The following ACOX2 variants were observed in gnomAD, a reference collection of about 807,000 sequenced individuals.
The protein encoded by ACOX2 is peroxisomal acyl-coenzyme A oxidase 2.
In ACOX2, 59 loss-of-function variants were observed where a neutral mutation model predicts 77.5. The observed-to-expected ratio is 0.76, with a 90% confidence interval of 0.62 to 0.95. The LOEUF (loss-of-function observed/expected upper bound fraction) is 0.95, where lower values mean the gene tolerates loss of function less well. Among genes scored for constraint, ACOX2 ranks in the 40% least tolerant of loss-of-function variants. The pLI is 0.00. For synonymous variants in ACOX2, 317 were observed against 340.1 expected (o/e 0.93, Z 0.75); for missense variants, 837 against 880.4 (o/e 0.95, Z 0.62).
Position 58,531,532 on chromosome 3 carries a change from G to T in ACOX2, c.703+161C>A. ...CAGAAAGATGCTAAATCTTGCTCAA[G>T]TTCACCTAGCCAGTTAGCACCAAGT... On this transcript the variant is annotated intron_variant, in intron 6 of 14. Transcript: ENST00000302819. This position sits in a 1 kb window ranked among gnomAD's most constrained non-coding sequence, Gnocchi z 5.8. 1 of 1,294,252 alleles carries T rather than the reference G, an allele frequency of 7.7e-7. No homozygotes were observed. The highest frequency in any genetic ancestry group is 1.1e-6 in the Non-Finnish European group (1 of 937,382). 80.2% of individuals were successfully genotyped at this position (1,294,252 alleles called of 1,614,324 possible). A position where few individuals can be genotyped will look rare whatever the true frequency, so the allele number is the denominator to read the frequency against.
Position 58,534,995 on chromosome 3 carries a change from T to C in ACOX2, c.112A>G (p.Asn38Asp). 1.9e-6 allele frequency: 3 copies of C among 1,614,190 alleles called. No homozygotes were observed. The highest frequency in any genetic ancestry group is 2.5e-6 in the Non-Finnish European group (3 of 1,180,022). Residue 38 changes from asparagine (N) to aspartate (D), a missense_variant, in exon 2 of 15, where the codon AAC becomes GAC. Asn to Asp is a conservative substitution (Grantham distance 23). Transcript: ENST00000302819. The surrounding 1 kb of genome is among the most constrained non-coding windows in gnomAD (Gnocchi z 4.8). Reference protein sequence around the residue: ...MQSFDVERLTNILDGGAQNTA... With the variant: ...MQSFDVERLTDILDGGAQNTA... ...TTCTGGGCACCTCCATCAAGGATGT[T>C]GGTGAGCCGTTCCACGTCAAAGGAC...
At chr3:58,510,806 TC>T (rs2063281509) in intron 13 of ACOX2, among the ~76,000 whole-genome samples, 1 of 149,526 alleles carries the variant, frequency 6.7e-6, no homozygotes, top group Non-Finnish European at 1.5e-5. Flanking sequence ...TCTTTAGTTT[TC>T]CACCCACTTT....
intron 9 of ACOX2, among the ~76,000 whole-genome samples, chr3:58,527,216 C>T (rs2063401827): frequency 1.3e-5 from 2 of 152,014 alleles, no homozygotes; most frequent in African/African-American, 4.8e-5. Context: ...GTGGAGGCCT[C>T]ATGAATGGGA....
At position 58,534,049 on chromosome 3, in the gene ACOX2, T is replaced by G. The variant is rs144244871; in HGVS notation, c.420A>C (p.Pro140=). Residue 140 remains proline, a synonymous_variant, in exon 4 of 15, where the codon CCA becomes CCC. Transcript: ENST00000302819. This position sits in a 1 kb window ranked among gnomAD's most constrained non-coding sequence, Gnocchi z 4.8. Reference sequence around the variant, plus strand: ...CGATGATCTGGATGTTTTTGCAGAGTGGGTCCCATTTGGCAATCTGCTCCT... The same window carrying G: ...CGATGATCTGGATGTTTTTGCAGAGGGGGTCCCATTTGGCAATCTGCTCCT... ...GSEEQIAKWD[P]LCKNIQIIAT... The G allele has an allele frequency of 9.9e-6, 16 of 1,613,982 alleles. No individual in the cohort carries two copies. The African/African-American group carries it at 2.1e-4, about 22-fold the overall frequency.
chr3:58,509,186 T>C (rs887621378), intron 13 of ACOX2, among the ~76,000 whole-genome samples, 161 bp from the exon 14 acceptor site: 5 of 152,142 alleles, frequency 3.3e-5, no homozygotes, highest in African/African-American at 9.7e-5. Flanking sequence ...ATCAGTTATA[T>C]GTGCATAGTA....
At chr3:58,518,042 TC>T (rs1412335573) in intron 12 of ACOX2, among the ~76,000 whole-genome samples, 4 of 116,454 alleles carry the variant, frequency 3.4e-5, no homozygotes, top group African/African-American at 1.0e-4. Context: ...GCCATTGCAC[TC>T]CAGCCTGGGC....
rs2063456891 is a variant in ACOX2 at position 58,533,636 on chromosome 3, T to C, written c.476-84A>G. The C allele has an allele frequency of 7.8e-7, 1 of 1,287,754 alleles. No homozygotes were observed. The highest frequency in any genetic ancestry group is 1.1e-6 in the Non-Finnish European group (1 of 890,674). 79.8% of individuals were successfully genotyped at this position (1,287,754 alleles called of 1,614,324 possible). ...CTGCTTCTAGGTGGGTCTGAACTCT[T>C]AGGCATCAGCGCAGTATGGAGTGGG... is the stretch of plus-strand genomic sequence containing the variant. On this transcript the variant is annotated intron_variant, in intron 4 of 14. Transcript: ENST00000302819. This position sits in a 1 kb window ranked among gnomAD's most constrained non-coding sequence, Gnocchi z 5.6.
intron 14 of ACOX2, among the ~76,000 whole-genome samples, chr3:58,507,416 A>G (rs1487909109): frequency 6.6e-6 from 1 of 152,228 alleles, no homozygotes; most frequent in Non-Finnish European, 1.5e-5. Flanking sequence ...CTCATGTAGT[A>G]TCCAGATTAA....
Position 58,524,709 on chromosome 3 carries a change from T to TGGAA in ACOX2, c.1347-105_1347-104insTTCC, listed in dbSNP as rs1560216602. 3.8e-6 allele frequency: 5 copies of TGGAA among 1,299,930 alleles called. No individual in the cohort carries two copies. The highest frequency in any genetic ancestry group is 5.2e-6 in the Non-Finnish European group (5 of 952,762). 80.5% of individuals were successfully genotyped at this position (1,299,930 alleles called of 1,614,324 possible). ...GCAAGCTCATGCTAGGTTCCAGCCT[T>TGGAA]CCCGTGGGAGAGCCAGGTCACCAGG... On this transcript the variant is annotated intron_variant, in intron 10 of 14. Transcript: ENST00000302819. The surrounding 1 kb of genome is among the most constrained non-coding windows in gnomAD (Gnocchi z 5.5).
At position 58,535,271 on chromosome 3, in the gene ACOX2, A is replaced by C; in HGVS notation, c.-91-74T>G. The C allele has an allele frequency of 1.3e-6, 1 of 768,812 alleles. No homozygotes were observed. The highest frequency in any genetic ancestry group is 2.5e-5 in the East Asian group (1 of 39,278). 47.6% of individuals were successfully genotyped at this position (768,812 alleles called of 1,614,324 possible). On this transcript the variant is annotated intron_variant, in intron 1 of 14. Transcript: ENST00000302819. This position sits in a 1 kb window ranked among gnomAD's most constrained non-coding sequence, Gnocchi z 4.8. ...TGGTAGAAGAAAGACATCCCTAAGTACCTGAATGCCACTCCACCTCCCCAC... is the reference window on the plus strand; with the variant it reads ...TGGTAGAAGAAAGACATCCCTAAGTCCCTGAATGCCACTCCACCTCCCCAC...
In ACOX2 at chr3:58,533,421, G is replaced by A. The variant is rs775093315; in HGVS notation, c.583+24C>T. ...ATTCTTCTACTTGGGGAGAGTTAAG[G>A]AAGGGGGGTGGATGTATACTCACAG... is the stretch of plus-strand genomic sequence containing the variant. On this transcript the variant is annotated intron_variant, in intron 5 of 14. Coordinates refer to ENST00000302819, the MANE Select transcript of ACOX2 (RefSeq NM_003500.4). The surrounding 1 kb of genome is among the most constrained non-coding windows in gnomAD (Gnocchi z 5.6). 1.9e-6 allele frequency: 3 copies of A among 1,601,000 alleles called. No individual in the cohort carries two copies. The highest frequency in any genetic ancestry group is 2.6e-6 in the Non-Finnish European group (3 of 1,168,546).
chr3:58,527,333 C>T lies in ACOX2; in HGVS notation c.1156-677G>A, dbSNP rs532609956. Among the ~76,000 whole-genome samples, 256 of 151,998 alleles carry T rather than the reference C, an allele frequency of 1.7e-3. 3 individuals are homozygous for T. Among genetic ancestry groups the T allele is most frequent in the African/African-American group, 6.0e-3 (249 of 41,436 alleles). ...CAGGTGGATCACGAGGTCAGGAGAT[C>T]GAGGCCATCCTGGCCAACATAGTGA... On this transcript the variant is annotated intron_variant, in intron 9 of 14. Coordinates refer to ENST00000302819, the MANE Select transcript of ACOX2 (RefSeq NM_003500.4).
In ACOX2 at chr3:58,512,911, G is replaced by A. The variant is rs1430855487; in HGVS notation, c.1851-3886C>T. ...GGCTTGTGTAAGTACACTCTGTGAT[G>A]TTCACATGATGACAGACTCACCTGA... is the stretch of plus-strand genomic sequence containing the variant. On this transcript the variant is annotated intron_variant, in intron 13 of 14. Transcript: ENST00000302819. This position sits in a 1 kb window ranked among gnomAD's most constrained non-coding sequence, Gnocchi z 4.8. Among the ~76,000 whole-genome samples the A allele has an allele frequency of 6.6e-6, 1 of 152,216 alleles. No homozygotes were observed. Among genetic ancestry groups the A allele is most frequent in the East Asian group, 1.9e-4 (1 of 5,200 alleles).
chr3:58,526,371 T>A lies in ACOX2; in HGVS notation c.1346+95A>T. 1 of 1,392,786 alleles carries A rather than the reference T, an allele frequency of 7.2e-7. No homozygotes were observed. The highest frequency in any genetic ancestry group is 1.5e-5 in the South Asian group (1 of 67,628). The allele number at this position is 1,392,786 out of a possible 1,614,324, so 86.3% of individuals were successfully genotyped here. ...CCAAATAGCACTTCGCAAAGCCTGCTCTTTTTATGGGCCTCAGACGGAACC... is the reference window on the plus strand; with the variant it reads ...CCAAATAGCACTTCGCAAAGCCTGCACTTTTTATGGGCCTCAGACGGAACC... On this transcript the variant is annotated intron_variant, in intron 10 of 14. Transcript: ENST00000302819. This position sits in a 1 kb window ranked among gnomAD's most constrained non-coding sequence, Gnocchi z 4.3.
rs1384209494 is a variant in ACOX2 at position 58,514,169 on chromosome 3, G to A, written c.1850+3037C>T. ...AAAATTACTCACAGAGGCTAGGTGT[G>A]TTAGCTCATGCATGTAATCCCAGCA... On this transcript the variant is annotated intron_variant, in intron 13 of 14. Transcript: ENST00000302819. This position sits in a 1 kb window ranked among gnomAD's most constrained non-coding sequence, Gnocchi z 4.3. Among the ~76,000 whole-genome samples, 3 of 152,168 alleles carry A rather than the reference G, an allele frequency of 2.0e-5. No individual in the cohort carries two copies. The highest frequency in any genetic ancestry group is 7.2e-5 in the African/African-American group (3 of 41,440).
At chr3:58,513,759 A>G (rs879889660) in intron 13 of ACOX2, among the ~76,000 whole-genome samples, 2 of 151,876 alleles carry the variant, frequency 1.3e-5, no homozygotes, top group Admixed American at 1.3e-4. Flanking sequence ...GTGATCCCTG[A>G]GTGTCTGATC....
At chr3:58,509,630 T>TTGG (rs1480043871) in intron 13 of ACOX2, among the ~76,000 whole-genome samples, 6 of 125,682 alleles carry the variant, frequency 4.8e-5, no homozygotes, top group Admixed American at 1.6e-4. Context: ...TTTTTTTTGA[T>TTGG]ACAGAGTCTC....
At chr3:58,506,769 A>G (rs9789958) in intron 14 of ACOX2, among the ~76,000 whole-genome samples, 137,537 of 151,830 alleles carry the variant, frequency 0.91, 62,425 homozygotes, top group East Asian at 1. Flanking sequence ...TTCAGCCTGG[A>G]TGACAGAGCG....
chr3:58,531,876 C>A lies in ACOX2; in HGVS notation c.584-64G>T. 2 of 1,535,138 alleles carry A rather than the reference C, an allele frequency of 1.3e-6. No homozygotes were observed. Among genetic ancestry groups the A allele is most frequent in the African/African-American group, 1.4e-5 (1 of 73,074 alleles). On this transcript the variant is annotated intron_variant, in intron 5 of 14. Coordinates refer to ENST00000302819, the MANE Select transcript of ACOX2 (RefSeq NM_003500.4). The surrounding 1 kb of genome is among the most constrained non-coding windows in gnomAD (Gnocchi z 5.8). ...CTGTGCATTGCTTTTCCCAACCAACCCAGCCTCCTGGGGCTGGGGTTTTGG... is the reference window on the plus strand; with the variant it reads ...CTGTGCATTGCTTTTCCCAACCAACACAGCCTCCTGGGGCTGGGGTTTTGG...
Sources: gnomAD v4.1 joint callset for allele counts (sites outside exome capture counted in the v4.1 genomes callset) on GRCh38, gnomAD v4.1.1 for gene constraint, Gnocchi (gnomAD v3.1) non-coding constraint, MANE v1.5 for transcripts, NCBI Gene and HGNC (gene_info 2026-07-23, HGNC 2026-07-21) for gene names.